CNDP1: variants seen among roughly 807,000 people sequenced by gnomAD.
CNDP1 encodes the protein beta-Ala-His dipeptidase.
CNDP1 carries 44 observed loss-of-function variants against 58.1 expected under a neutral mutation model. The observed-to-expected ratio is 0.76, with a 90% CI of 0.60 to 0.97. CNDP1 has a LOEUF of 0.97. CNDP1 is among the 50% of genes least tolerant of loss of function. CNDP1 has a pLI of 0.00. For missense variants in CNDP1, 616 were observed against 655.1 expected, an observed-to-expected ratio of 0.94 and a Z score of 0.65; for synonymous variants, 254 against 252.6, an observed-to-expected ratio of 1.01 and a Z score of -0.05.
intron 7 of CNDP1, 73 bp from the exon 8 acceptor site, chr18:74,576,796 C>T: frequency 7.0e-7 from 1 of 1,418,858 alleles, no homozygotes; most frequent in Non-Finnish European, 9.6e-7. Flanking sequence ...AGTCCTCCCA[C>T]AGTCTGGCTC....
At position 74,560,948 on chromosome 18, in the gene CNDP1, C is replaced by T. The variant is rs1981178515; in HGVS notation, c.396C>T (p.His132=). 1.9e-6 allele frequency: 3 copies of T among 1,614,056 alleles called. No homozygotes were observed. Among genetic ancestry groups the T allele is most frequent in the Non-Finnish European group, 2.5e-6 (3 of 1,180,048 alleles). ...AAGGCACCGTGTGCTTCTACGGCCA[C>T]TTGGACGTGCAGCCTGCTGACCGGG... is the stretch of plus-strand genomic sequence containing the variant. ...PTKGTVCFYG[H]LDVQPADRGD... is the part of the protein sequence containing the mutation. Residue 132 remains histidine, a synonymous_variant, in exon 4 of 12, where the codon CAC becomes CAT. Transcript: ENST00000358821.
chr18:74,535,594 T>TTTTTTTTTTTTTTA (rs1568288879), intron 1 of CNDP1, among the ~76,000 whole-genome samples: 1 of 151,258 alleles, frequency 6.6e-6, no homozygotes, highest in East Asian at 1.9e-4. Flanking sequence ...TTTTTTTTTT[T>TTTTTTTTTTTTTTA]AAAGAACCCA....
chr18:74,564,884 A>T (rs931997719), intron 5 of CNDP1, among the ~76,000 whole-genome samples: 1 of 152,224 alleles, frequency 6.6e-6, no homozygotes, highest in African/African-American at 2.4e-5. Flanking sequence ...TGTTTATGTT[A>T]TATGCAAACA....
chr18:74,571,270 G>C lies in CNDP1; in HGVS notation c.841G>C (p.Gly281Arg). The C allele has an allele frequency of 6.2e-7, 1 of 1,600,302 alleles. No homozygotes were observed. Among genetic ancestry groups the C allele is most frequent in the Non-Finnish European group, 8.6e-7 (1 of 1,167,738 alleles). ...EPMADLVALLGSLVDSSGHIL... is the reference protein window; with the variant it reads ...EPMADLVALLRSLVDSSGHIL... ...AATGGCTGATCTGGTTGCTCTTCTC[G>C]GTAATGCCTTATTTTGTTTCACTTT... The change falls in exon 7 of 12, where the codon GGT becomes CGT. Residue 281 changes from glycine (G) to arginine (R), a missense_variant and splice_region_variant. Coordinates refer to ENST00000358821, the MANE Select transcript of CNDP1 (RefSeq NM_032649.6).
rs1391597146 is a variant in CNDP1, at chr18:74,560,902, A to C, written c.350A>C (p.Glu117Ala). ...SLPIPPVILA[E>A]LGSDPTKGTV... ...CCAATACCTCCCGTCATCCTGGCCGAACTGGGGAGCGATCCCACGAAAGGC... is the reference window on the plus strand; with the variant it reads ...CCAATACCTCCCGTCATCCTGGCCGCACTGGGGAGCGATCCCACGAAAGGC... Residue 117 changes from glutamate to alanine, a missense_variant, in exon 4 of 12, where the codon GAA becomes GCA. Physicochemically the swap from Glu to Ala is moderately radical, Grantham distance 107. Transcript: ENST00000358821. 1 of 1,613,988 alleles carries C rather than the reference A, an allele frequency of 6.2e-7. No homozygotes were observed. Among genetic ancestry groups the C allele is most frequent in the Non-Finnish European group, 8.5e-7 (1 of 1,180,020 alleles).
Position 74,567,287 on chromosome 18 carries a change from G to C in CNDP1, c.610G>C (p.Val204Leu). The C allele has an allele frequency of 6.2e-7, 1 of 1,614,208 alleles. No individual in the cohort carries two copies. Among genetic ancestry groups the C allele is most frequent in the Non-Finnish European group, 8.5e-7 (1 of 1,180,036 alleles). The stretch of plus-strand genomic sequence containing the variant: ...TGAGGGGATGGAAGAGGCTGGCTCT[G>C]TTGCCCTGGAGGAACTTGTGGAAAA... ...IIEGMEEAGS[V>L]ALEELVEKEK... Residue 204 changes from valine to leucine, a missense_variant, in exon 6 of 12, where the codon GTT becomes CTT. Val to Leu is a conservative substitution (Grantham distance 32, BLOSUM62 1). Transcript: ENST00000358821.
chr18:74,568,910 G>C (rs1186115671), intron 6 of CNDP1, among the ~76,000 whole-genome samples: 1 of 152,170 alleles, frequency 6.6e-6, no homozygotes, highest in Non-Finnish European at 1.5e-5. Flanking sequence ...GGTTACCCCA[G>C]AGGGTTGTGG....
intron 9 of CNDP1, among the ~76,000 whole-genome samples, chr18:74,579,457 A>C (rs143884404): frequency 8.5e-4 from 129 of 151,298 alleles, no homozygotes; most frequent in African/African-American, 2.9e-3. Context: ...CCATGAGGGC[A>C]GGGCCTTCCT....
intron 1 of CNDP1, among the ~76,000 whole-genome samples, chr18:74,542,675 A>G (rs1035036633): frequency 1.3e-5 from 2 of 152,170 alleles, no homozygotes; most frequent in African/African-American, 4.8e-5. Context: ...ATAGGTATGC[A>G]CCACCTGGCC....
At chr18:74,584,267 T>A (rs1042849662) in intron 11 of CNDP1, 3 of 520,036 alleles carry the variant, frequency 5.8e-6, no homozygotes, top group Non-Finnish European at 1.0e-5. Context: ...CAAGGAAAAT[T>A]CACTTTTGGA....
intron 2 of CNDP1, among the ~76,000 whole-genome samples, chr18:74,558,598 G>A (rs185600894): frequency 3.2e-4 from 49 of 152,086 alleles, no homozygotes; most frequent in Admixed American, 9.2e-4. Context: ...GTTTCACCAC[G>A]TTAGCCAGGA....
chr18:74,570,637 G>A (rs913191974), intron 6 of CNDP1, among the ~76,000 whole-genome samples: 1 of 152,300 alleles, frequency 6.6e-6, no homozygotes, highest in African/African-American at 2.4e-5. Context: ...AGTCACTTAT[G>A]TCAAGGGTGC....
chr18:74,567,283 C>T lies in CNDP1; in HGVS notation c.606C>T (p.Gly202=), dbSNP rs767157567. ...TCATTGAGGGGATGGAAGAGGCTGG[C>T]TCTGTTGCCCTGGAGGAACTTGTGG... is the stretch of plus-strand genomic sequence containing the variant. ...KFIIEGMEEA[G]SVALEELVEK... The change falls in exon 6 of 12, where the codon GGC becomes GGT. Residue 202 remains glycine, a synonymous_variant. Coordinates refer to ENST00000358821, the MANE Select transcript of CNDP1 (RefSeq NM_032649.6). The T allele has an allele frequency of 1.2e-6, 2 of 1,614,162 alleles. No homozygotes were observed. Among genetic ancestry groups the T allele is most frequent in the East Asian group, 2.2e-5 (1 of 44,888 alleles).
chr18:74,548,354 G>A (rs1980815613), intron 1 of CNDP1, among the ~76,000 whole-genome samples: 1 of 152,054 alleles, frequency 6.6e-6, no homozygotes, highest in South Asian at 2.1e-4. Context: ...AAAGTGTGTG[G>A]TGCTTCCTGC....
chr18:74,560,478 C>T (rs781234137), intron 3 of CNDP1, among the ~76,000 whole-genome samples: 19 of 152,070 alleles, frequency 1.2e-4, no homozygotes, highest in African/African-American at 2.7e-4. Flanking sequence ...GAGGCTAAGG[C>T]GGGCGGATTA....
rs182212101 is a variant in CNDP1 at position 74,550,605 on chromosome 18, C to G, written c.25-5733C>G. Among the ~76,000 whole-genome samples, 84 of 145,416 alleles carry G rather than the reference C, an allele frequency of 5.8e-4. No homozygotes were observed. In the East Asian group the frequency reaches 0.016, roughly 27 times the overall value. ...TTTTTTTTTTTTTTTTTGAGACAGT[C>G]TTGCTCTGTCACCCAGGCTGGAGTG... is the stretch of plus-strand genomic sequence containing the variant. On this transcript the variant is annotated intron_variant, in intron 1 of 11. Transcript: ENST00000358821.
chr18:74,568,175 G>A (rs185852473), intron 6 of CNDP1, among the ~76,000 whole-genome samples: 3 of 152,174 alleles, frequency 2.0e-5, no homozygotes, highest in South Asian at 2.1e-4. Context: ...ATATAACAAC[G>A]TGTAGGCTGA....
At chr18:74,544,906 C>T (rs1300878480) in intron 1 of CNDP1, among the ~76,000 whole-genome samples, 1 of 151,808 alleles carries the variant, frequency 6.6e-6, no homozygotes, top group Non-Finnish European at 1.5e-5. Flanking sequence ...TAGAGTGGGC[C>T]CTAAATCCAA....
intron 4 of CNDP1, chr18:74,561,430 A>AAG (rs1850297301): frequency 6.6e-6 from 1 of 152,516 alleles, no homozygotes; most frequent in Non-Finnish European, 1.4e-5. Flanking sequence ...AAAAAAAAAA[A>AAG]GAATGCACAG....
Sources: gnomAD v4.1 joint callset for allele counts (sites outside exome capture counted in the v4.1 genomes callset) on GRCh38, gnomAD v4.1.1 for gene constraint, MANE v1.5 for transcripts, NCBI Gene and HGNC (gene_info 2026-07-23, HGNC 2026-07-21) for gene names.